Variants in SLC35F1 observed in about 807,000 individuals in gnomAD.
SLC35F1 encodes the protein solute carrier family 35 member F1.
In SLC35F1, 14 loss-of-function variants were observed where a neutral mutation model predicts 48.7. The observed-to-expected ratio is 0.29, with a 90% confidence interval of 0.19 to 0.45. The LOEUF is 0.45. SLC35F1 is among the 20% of genes least tolerant of loss of function. SLC35F1 has a pLI of 1.00. For missense variants in SLC35F1, 404 were observed against 500.0 expected (o/e 0.81, Z 1.83); for synonymous variants, 190 against 202.2 (o/e 0.94, Z 0.51).
rs1200010524 is a variant in SLC35F1, at chr6:117,998,259, A to G, written c.173+90360A>G. The stretch of plus-strand genomic sequence containing the variant: ...ATATATATGCACCCAATACAGGAGC[A>G]CCCAGATTCATAAAGCAAGTCCTGA... On this transcript the variant is annotated intron_variant, in intron 1 of 7. Transcript: ENST00000360388. Among the ~76,000 whole-genome samples the G allele has an allele frequency of 5.5e-5, 8 of 146,382 alleles. No homozygotes were observed. The Admixed American group carries it at 5.5e-4, about 10-fold the overall frequency.
At chr6:118,079,367 G>C (rs1374568509) in intron 1 of SLC35F1, among the ~76,000 whole-genome samples, 2 of 152,038 alleles carry the variant, frequency 1.3e-5, no homozygotes, top group Admixed American at 1.3e-4. Context: ...TTTTATTATG[G>C]AATATTATTA....
chr6:117,997,812 G>T (rs997370795), intron 1 of SLC35F1, among the ~76,000 whole-genome samples: 2 of 152,194 alleles, frequency 1.3e-5, no homozygotes, highest in Admixed American at 1.3e-4. Context: ...ACCAGCCACT[G>T]CAAAATCATA....
intron 1 of SLC35F1, among the ~76,000 whole-genome samples, chr6:117,980,407 G>A (rs370795935): frequency 1.6e-4 from 24 of 152,244 alleles, no homozygotes; most frequent in Middle Eastern, 6.8e-3. Flanking sequence ...CAAGAATTAG[G>A]TTGAACATCC....
chr6:118,156,112 A>G (rs562341434), intron 2 of SLC35F1, among the ~76,000 whole-genome samples: 6 of 152,256 alleles, frequency 3.9e-5, no homozygotes, highest in African/African-American at 1.4e-4. Context: ...ATCAATAGTC[A>G]TTATTATTTT....
intron 7 of SLC35F1, among the ~76,000 whole-genome samples, chr6:118,305,982 C>G (rs770947238): frequency 6.6e-6 from 1 of 152,176 alleles, no homozygotes; most frequent in Non-Finnish European, 1.5e-5. Context: ...TTTCTATTGA[C>G]TTTTATCATA....
At chr6:118,096,190 A>G (rs2114354982) in intron 1 of SLC35F1, among the ~76,000 whole-genome samples, 1 of 152,352 alleles carries the variant, frequency 6.6e-6, no homozygotes. Context: ...CTGAATTTGC[A>G]GTTAGCTAAT....
At position 118,293,016 on chromosome 6, in the gene SLC35F1, C is replaced by A. The variant is rs556888154; in HGVS notation, c.1002+7678C>A. On this transcript the variant is annotated intron_variant, in intron 7 of 7. Transcript: ENST00000360388. ...AATGAGCTTGACTGGGCCTCAGAGA[C>A]CCCTGAAACCAAGCCCAGGAAGAGA... Among the ~76,000 whole-genome samples the A allele has an allele frequency of 2.3e-3, 344 of 152,232 alleles. 5 individuals carry two copies. The Middle Eastern group carries it at 0.031, about 14-fold the overall frequency.
At chr6:118,274,264 C>A (rs939271933) in intron 4 of SLC35F1, among the ~76,000 whole-genome samples, 1 of 152,200 alleles carries the variant, frequency 6.6e-6, no homozygotes, top group Non-Finnish European at 1.5e-5. Context: ...TGAGGCCACT[C>A]TAGCTGCTTA....
chr6:118,051,707 G>T (rs368732638), intron 1 of SLC35F1, among the ~76,000 whole-genome samples: 2 of 152,242 alleles, frequency 1.3e-5, no homozygotes, highest in East Asian at 3.9e-4. Context: ...TCAGAGTTAT[G>T]GTTGAAATTA....
rs77766714 is a variant in SLC35F1, at chr6:118,082,656, G to A, written c.174-71789G>A. ...GGGATAGCTGGATCCAGAAACCCAA[G>A]AAAAATGGCAGAGCTTTCTCTCCTT... is the stretch of plus-strand genomic sequence containing the variant. On this transcript the variant is annotated intron_variant, in intron 1 of 7. Transcript: ENST00000360388. Among the ~76,000 whole-genome samples the A allele has an allele frequency of 8.7e-3, 1,318 of 151,702 alleles. 21 individuals carry two copies. The highest frequency in any genetic ancestry group is 0.03 in the African/African-American group (1,247 of 41,332).
chr6:118,253,736 G>C (rs930236700), intron 3 of SLC35F1, among the ~76,000 whole-genome samples: 3 of 152,100 alleles, frequency 2.0e-5, no homozygotes, highest in Non-Finnish European at 2.9e-5. Flanking sequence ...AACTACTGCA[G>C]AGAGGTTTAG....
intron 1 of SLC35F1, among the ~76,000 whole-genome samples, chr6:118,147,177 G>C (rs1237692095): frequency 6.6e-6 from 1 of 152,154 alleles, no homozygotes; most frequent in Non-Finnish European, 1.5e-5. Flanking sequence ...TCTGTGTAGA[G>C]GAAAAAGAGG....
chr6:117,965,576 T>C (rs749062245), intron 1 of SLC35F1, among the ~76,000 whole-genome samples: 1 of 152,164 alleles, frequency 6.6e-6, no homozygotes. Context: ...TTCTGGACCA[T>C]GAGGTTGATT....
At chr6:118,113,390 T>C (rs1773435982) in intron 1 of SLC35F1, among the ~76,000 whole-genome samples, 1 of 152,100 alleles carries the variant, frequency 6.6e-6, no homozygotes, top group African/African-American at 2.4e-5. Flanking sequence ...TAGCCAACTT[T>C]GGGCAATAAT....
Position 118,247,202 on chromosome 6 carries a change from A to G in SLC35F1, c.477+11566A>G, listed in dbSNP as rs1158756627. ...AATGGTGAATTTCAGTTGCATGCAAAGCCATCTAAGTGAAAGAATTTGCTG... is the reference window on the plus strand; with the variant it reads ...AATGGTGAATTTCAGTTGCATGCAAGGCCATCTAAGTGAAAGAATTTGCTG... On this transcript the variant is annotated intron_variant, in intron 3 of 7. Transcript: ENST00000360388. Among the ~76,000 whole-genome samples, 6 of 152,222 alleles carry G rather than the reference A, an allele frequency of 3.9e-5. No homozygotes were observed. The South Asian group carries it at 1.2e-3, about 32-fold the overall frequency.
At chr6:118,127,284 A>T (rs55641490) in intron 1 of SLC35F1, among the ~76,000 whole-genome samples, 51,831 of 152,014 alleles carry the variant, frequency 0.34, 9,661 homozygotes, top group Non-Finnish European at 0.43. Flanking sequence ...GGATTACATT[A>T]ATTGATGTGT....
chr6:117,921,035 T>C (rs1222384010), intron 1 of SLC35F1, among the ~76,000 whole-genome samples: 1 of 145,148 alleles, frequency 6.9e-6, no homozygotes, highest in Non-Finnish European at 1.5e-5. Context: ...CTTTTTATGC[T>C]TTGCTCTATT....
chr6:118,308,040 T>G (rs377301858), intron 7 of SLC35F1, among the ~76,000 whole-genome samples: 2 of 152,372 alleles, frequency 1.3e-5, no homozygotes, highest in African/African-American at 2.4e-5. Flanking sequence ...GTCCACCCTT[T>G]AATTCACATA....
chr6:118,115,772 AGTGAATACATG>A (rs1287277523), intron 1 of SLC35F1, among the ~76,000 whole-genome samples: 2 of 152,218 alleles, frequency 1.3e-5, no homozygotes, highest in African/African-American at 4.8e-5. Context: ...CTTATGTAAG[AGTGAATACATG>A]AGCAGAGCAT....
Sources: gnomAD v4.1 joint callset for allele counts (sites outside exome capture counted in the v4.1 genomes callset) on GRCh38, gnomAD v4.1.1 for gene constraint, MANE v1.5 for transcripts, NCBI Gene and HGNC (gene_info 2026-07-23, HGNC 2026-07-21) for gene names.